PCCA: variants seen among roughly 807,000 people sequenced by gnomAD.
The protein encoded by PCCA is propionyl-CoA carboxylase subunit alpha, also known as propionyl-CoA carboxylase alpha chain, mitochondrial.
In PCCA, 74 loss-of-function variants were observed where a neutral mutation model predicts 101.3. The observed-to-expected ratio is 0.73, with a 90% CI of 0.61 to 0.89. The LOEUF is 0.89. Among genes scored for constraint, PCCA ranks in the 40% least tolerant of loss-of-function variants. PCCA has a pLI of 0.00. For synonymous variants in PCCA, 294 were observed against 313.6 expected (o/e 0.94, Z 0.66); for missense variants, 891 against 907.0 (o/e 0.98, Z 0.23).
intron 8 of PCCA, among the ~76,000 whole-genome samples, chr13:100,244,006 A>T (rs539909163): frequency 6.6e-6 from 1 of 152,156 alleles, no homozygotes; most frequent in Non-Finnish European, 1.5e-5. Context: ...AAAAATTTTC[A>T]CATGTTATAT....
chr13:100,457,405 G>A (rs1566360323), intron 21 of PCCA, among the ~76,000 whole-genome samples: 1 of 152,046 alleles, frequency 6.6e-6, no homozygotes, highest in African/African-American at 2.4e-5. Context: ...ATCAGCCTGC[G>A]ACATTTCATA....
intron 6 of PCCA, among the ~76,000 whole-genome samples, chr13:100,205,559 C>G (rs1266148478): frequency 5.3e-5 from 1 of 18,800 alleles, no homozygotes; most frequent in Non-Finnish European, 9.8e-5. Flanking sequence ...TTTTTTTTGA[C>G]AATTTTACAT....
In PCCA at chr13:100,268,719, T is replaced by C. The variant is rs754528961; in HGVS notation, c.850T>C (p.Trp284Arg). Residue 284 changes from tryptophan (W) to arginine (R), a missense_variant, in exon 11 of 24, where the codon TGG becomes CGG. Physicochemically the swap from Trp to Arg is moderately radical, Grantham distance 101. Transcript: ENST00000376285. Reference sequence around the variant, plus strand: ...AGGTGATAAACATGGGAATGCTTTATGGCTTAATGAAAGAGAGTGCTCAAT... The same window carrying C: ...AGGTGATAAACATGGGAATGCTTTACGGCTTAATGAAAGAGAGTGCTCAAT... The part of the protein sequence containing the change: ...VLGDKHGNAL[W>R]LNERECSIQR... The C allele has an allele frequency of 2.5e-6, 4 of 1,614,108 alleles. No individual in the cohort carries two copies. The highest frequency in any genetic ancestry group is 1.7e-5 in the Admixed American group (1 of 60,030).
intron 8 of PCCA, chr13:100,236,782 A>G (rs2060828733): frequency 6.6e-6 from 1 of 152,174 alleles, no homozygotes; most frequent in Non-Finnish European, 1.5e-5. Flanking sequence ...TAATTTTAAA[A>G]ATATTCTTGG....
Position 100,380,614 on chromosome 13 carries a change from A to G in PCCA, c.1746+12040A>G, listed in dbSNP as rs376254957. ...ATAATCTCTTCAACAAATGGTGTCG[A>G]AACACCTGGGTTCACATGTAAAGGA... On this transcript the variant is annotated intron_variant, in intron 19 of 23. Coordinates refer to ENST00000376285, the MANE Select transcript of PCCA (RefSeq NM_000282.4). Among the ~76,000 whole-genome samples, 164 of 152,348 alleles carry G rather than the reference A, an allele frequency of 1.1e-3. 6 individuals are homozygous for G. In the South Asian group the frequency reaches 0.031, roughly 29 times the overall value.
Position 100,394,444 on chromosome 13 carries a change from T to C in PCCA, c.1746+25870T>C, listed in dbSNP as rs1012318889. Among the ~76,000 whole-genome samples, 1 of 152,192 alleles carries C rather than the reference T, an allele frequency of 6.6e-6. No individual in the cohort carries two copies. Among genetic ancestry groups the C allele is most frequent in the African/African-American group, 2.4e-5 (1 of 41,456 alleles). On this transcript the variant is annotated intron_variant, in intron 19 of 23. Transcript: ENST00000376285. This position sits in a 1 kb window ranked among gnomAD's most constrained non-coding sequence, Gnocchi z 4.3. Reference sequence around the variant, plus strand: ...GTCAGAGGTCTGTGGAATGGATCTCTGTCAGACTATCACAGCAGCTGTGTG... The same window carrying C: ...GTCAGAGGTCTGTGGAATGGATCTCCGTCAGACTATCACAGCAGCTGTGTG...
chr13:100,372,280 G>A (rs115113963), intron 19 of PCCA, among the ~76,000 whole-genome samples: 4,742 of 152,174 alleles, frequency 0.031, 239 homozygotes, highest in African/African-American at 0.11. Flanking sequence ...TCAACTCAGT[G>A]GGCAAAGGTT....
At chr13:100,296,373 G>A (rs1273765987) in intron 12 of PCCA, among the ~76,000 whole-genome samples, 7 of 151,060 alleles carry the variant, frequency 4.6e-5, no homozygotes, top group East Asian at 1.9e-4. Flanking sequence ...CCCAATTAGC[G>A]GGACTACAGG....
intron 22 of PCCA, chr13:100,527,436 C>T: frequency 1.8e-6 from 1 of 563,206 alleles, no homozygotes; most frequent in East Asian, 3.7e-5. Flanking sequence ...GCCAGGGTCC[C>T]CACTTCTCCA....
intron 6 of PCCA, among the ~76,000 whole-genome samples, chr13:100,158,950 A>G (rs1178036936): frequency 6.6e-6 from 1 of 151,206 alleles, no homozygotes; most frequent in Non-Finnish European, 1.5e-5. Flanking sequence ...TCCAAATTAT[A>G]TGAGTAGGAT....
chr13:100,279,210 T>C (rs1413639283), intron 12 of PCCA, among the ~76,000 whole-genome samples: 2 of 152,226 alleles, frequency 1.3e-5, no homozygotes, highest in Non-Finnish European at 2.9e-5. Flanking sequence ...TTCTATGATA[T>C]TTAACATCAT....
At chr13:100,409,828 C>T (rs1321800235) in intron 19 of PCCA, among the ~76,000 whole-genome samples, 1 of 152,148 alleles carries the variant, frequency 6.6e-6, no homozygotes, top group Admixed American at 6.6e-5. Flanking sequence ...AGTGCAATGA[C>T]ATGATCTCAG....
chr13:100,295,581 T>C (rs1360335107), intron 12 of PCCA, among the ~76,000 whole-genome samples: 1 of 152,238 alleles, frequency 6.6e-6, no homozygotes, highest in Admixed American at 6.5e-5. Context: ...TCCTATGCCT[T>C]CTCTATTAAA....
At chr13:100,416,538 A>G (rs139356025) in intron 19 of PCCA, among the ~76,000 whole-genome samples, 4,618 of 113,634 alleles carry the variant, frequency 0.041, 233 homozygotes, top group African/African-American at 0.14. Flanking sequence ...GTGTGTGTGT[A>G]TGTATTTTTT....
At chr13:100,113,273 A>G (rs1380237622) in intron 4 of PCCA, among the ~76,000 whole-genome samples, 1 of 152,216 alleles carries the variant, frequency 6.6e-6, no homozygotes, top group East Asian at 1.9e-4. Context: ...TGTGTATATA[A>G]GTGTATCTAA....
intron 4 of PCCA, among the ~76,000 whole-genome samples, chr13:100,141,193 T>G (rs951624635): frequency 2.0e-5 from 3 of 152,160 alleles, no homozygotes. Flanking sequence ...TCTTCTACCA[T>G]CCTTTCCCAT....
intron 4 of PCCA, among the ~76,000 whole-genome samples, chr13:100,142,726 G>A (rs1016105502): frequency 5.9e-5 from 9 of 152,026 alleles, no homozygotes; most frequent in African/African-American, 1.9e-4. Flanking sequence ...CACCCGCCTC[G>A]GCCTCCCAAA....
intron 14 of PCCA, 66 bp from the exon 15 acceptor site, chr13:100,307,126 T>A: frequency 9.6e-7 from 1 of 1,046,734 alleles, no homozygotes; most frequent in Admixed American, 1.8e-5. Flanking sequence ...GGAAATGAAA[T>A]TGGTGGTTAC....
chr13:100,449,890 T>C (rs997369896), intron 21 of PCCA, among the ~76,000 whole-genome samples: 1 of 152,226 alleles, frequency 6.6e-6, no homozygotes, highest in Non-Finnish European at 1.5e-5. Flanking sequence ...ATTATACATG[T>C]TGCCCATTAT....
Sources: allele counts gnomAD v4.1 joint callset (sites outside exome capture counted in the v4.1 genomes callset), GRCh38; gene constraint gnomAD v4.1.1; non-coding constraint Gnocchi (gnomAD v3.1); transcripts MANE v1.5; gene names NCBI Gene and HGNC (gene_info 2026-07-23, HGNC 2026-07-21).